STPG4: variants seen among roughly 807,000 people sequenced by gnomAD.
STPG4 encodes protein STPG4.
A neutral mutation model predicts 31.5 loss-of-function variants in STPG4; 41 were observed. The ratio of observed to expected loss-of-function variants is 1.30; its 90% CI spans 1.01 to 1.69. The LOEUF is 1.69. Among genes scored for constraint, STPG4 ranks in the 40% most tolerant of loss-of-function variants. The probability of loss-of-function intolerance (pLI) is 0.00; values close to 1 mark genes in which losing one functional copy is unlikely to be tolerated. For synonymous variants in STPG4, 141 were observed against 103.0 expected (o/e 1.37, Z -2.24); for missense variants, 375 against 293.4 (o/e 1.28, Z -2.03).
intron 5 of STPG4, among the ~76,000 whole-genome samples, chr2:47,111,440 C>G (rs1686034623): frequency 6.6e-6 from 1 of 152,118 alleles, no homozygotes; most frequent in Admixed American, 6.5e-5. Flanking sequence ...CTTATGAAAG[C>G]AATAAAATCA....
intron 3 of STPG4, among the ~76,000 whole-genome samples, chr2:47,135,240 G>C (rs569487938): frequency 4.3e-4 from 66 of 152,270 alleles, no homozygotes; most frequent in African/African-American, 1.4e-3. Context: ...CATGCTTTTG[G>C]TGTAGGATCT....
chr2:47,118,576 G>C (rs776405432), intron 5 of STPG4, among the ~76,000 whole-genome samples: 6 of 152,114 alleles, frequency 3.9e-5, no homozygotes, highest in Non-Finnish European at 7.3e-5. Context: ...TGTGAAACCA[G>C]TCCCTGGTGC....
At chr2:47,120,290 C>T (rs369388195) in intron 5 of STPG4, among the ~76,000 whole-genome samples, 4 of 152,070 alleles carry the variant, frequency 2.6e-5, no homozygotes, top group African/African-American at 7.2e-5. Context: ...GAGATTGTGC[C>T]GCTGCACTCC....
At chr2:47,094,958 G>C (rs1260788111) in intron 5 of STPG4, among the ~76,000 whole-genome samples, 2 of 152,192 alleles carry the variant, frequency 1.3e-5, no homozygotes, top group Admixed American at 6.5e-5. Context: ...TGGTTAATCT[G>C]TATCATCAAT....
chr2:47,153,742 C>T (rs1340979357), intron 1 of STPG4, among the ~76,000 whole-genome samples: 1 of 152,014 alleles, frequency 6.6e-6, no homozygotes, highest in Admixed American at 6.6e-5. Context: ...CACTGCAACT[C>T]CAGCCTGGGC....
intron 5 of STPG4, among the ~76,000 whole-genome samples, chr2:47,114,637 C>T (rs894701978): frequency 6.6e-6 from 1 of 152,336 alleles, no homozygotes; most frequent in Admixed American, 6.5e-5. Flanking sequence ...AGTTATAACA[C>T]AAATTATCCA....
chr2:47,090,572 T>C (rs1685551116), intron 5 of STPG4, among the ~76,000 whole-genome samples, 198 bp from the exon 6 acceptor site: 1 of 152,214 alleles, frequency 6.6e-6, no homozygotes, highest in Non-Finnish European at 1.5e-5. Flanking sequence ...CTCACCTTCC[T>C]TGTGCACGAT....
At position 47,134,496 on chromosome 2, in the gene STPG4, G is replaced by A. The variant is rs116172283; in HGVS notation, c.400-4236C>T. Among the ~76,000 whole-genome samples, 1,458 of 152,260 alleles carry A rather than the reference G, an allele frequency of 9.6e-3. 31 individuals are homozygous for A. The highest frequency in any genetic ancestry group is 0.032 in the African/African-American group (1,350 of 41,544). On this transcript the variant is annotated intron_variant, in intron 3 of 6. Transcript: ENST00000445927. ...ATTGGCTTCTTTCACTTCGTGATAT[G>A]CATTTATGTTTCCTCCATGTCTTGT... is the stretch of plus-strand genomic sequence containing the variant.
intron 3 of STPG4, among the ~76,000 whole-genome samples, chr2:47,132,072 C>T (rs530717028): frequency 3.3e-5 from 5 of 151,186 alleles, no homozygotes; most frequent in Admixed American, 6.6e-5. Flanking sequence ...AGCTGAGGCA[C>T]GAGAATCACT....
At chr2:47,134,322 G>C (rs1014665806) in intron 3 of STPG4, among the ~76,000 whole-genome samples, 4 of 152,090 alleles carry the variant, frequency 2.6e-5, no homozygotes, top group African/African-American at 7.2e-5. Flanking sequence ...TCACAGAGTG[G>C]TTTCACTGCC....
chr2:47,128,515 G>A (rs1686407854), intron 5 of STPG4, among the ~76,000 whole-genome samples: 1 of 152,122 alleles, frequency 6.6e-6, no homozygotes, highest in Non-Finnish European at 1.5e-5. Flanking sequence ...ACCCAAGCCA[G>A]AAGACAAAGT....
At chr2:47,149,360 G>A (rs1456298031) in intron 3 of STPG4, among the ~76,000 whole-genome samples, 4 of 152,308 alleles carry the variant, frequency 2.6e-5, no homozygotes, top group South Asian at 2.1e-4. Flanking sequence ...TTGTAAAAGC[G>A]AGAAGAGAGG....
intron 5 of STPG4, among the ~76,000 whole-genome samples, chr2:47,101,356 G>C (rs1180530299): frequency 6.6e-6 from 1 of 151,624 alleles, no homozygotes. Context: ...TGCAGCTCCA[G>C]GGTCCCGACA....
chr2:47,138,415 G>T (rs1268550461), intron 3 of STPG4, among the ~76,000 whole-genome samples: 4 of 145,854 alleles, frequency 2.7e-5, no homozygotes, highest in African/African-American at 7.6e-5. Context: ...TTTTGGAGAT[G>T]GAGTCTTACT....
intron 5 of STPG4, among the ~76,000 whole-genome samples, chr2:47,092,703 G>A (rs1411404980): frequency 1.3e-5 from 2 of 151,984 alleles, no homozygotes; most frequent in Non-Finnish European, 2.9e-5. Context: ...ATAGGGACAT[G>A]TATCTGTAAG....
chr2:47,124,934 T>C (rs1372676477), intron 5 of STPG4, among the ~76,000 whole-genome samples: 1 of 152,218 alleles, frequency 6.6e-6, no homozygotes, highest in Non-Finnish European at 1.5e-5. Flanking sequence ...CAGCATTCAC[T>C]ATTGCCTGTA....
intron 5 of STPG4, among the ~76,000 whole-genome samples, chr2:47,117,838 G>C (rs1270528352): frequency 6.6e-6 from 1 of 152,096 alleles, no homozygotes; most frequent in African/African-American, 2.4e-5. Flanking sequence ...TACTGCAAAG[G>C]GGTCAAGTGG....
At chr2:47,148,904 CA>C (rs1686880671) in intron 3 of STPG4, among the ~76,000 whole-genome samples, 1 of 152,042 alleles carries the variant, frequency 6.6e-6, no homozygotes, top group East Asian at 1.9e-4. Context: ...AACTTTATTA[CA>C]AATAAAAAGC....
chr2:47,103,659 T>C (rs1170672841), intron 5 of STPG4, among the ~76,000 whole-genome samples: 1 of 151,932 alleles, frequency 6.6e-6, no homozygotes, highest in East Asian at 1.9e-4. Context: ...AGAAACAAAC[T>C]GCCCCCTCGT....
Sources: allele counts gnomAD v4.1 joint callset (sites outside exome capture counted in the v4.1 genomes callset), GRCh38; gene constraint gnomAD v4.1.1; transcripts MANE v1.5; gene names NCBI Gene and HGNC (gene_info 2026-07-23, HGNC 2026-07-21).